The following LMX1A variants were observed in gnomAD, a reference collection of about 807,000 sequenced individuals.
LMX1A encodes LIM homeobox transcription factor 1-alpha.
A neutral mutation model predicts 49.1 loss-of-function variants in LMX1A; 15 were observed. The observed-to-expected ratio is 0.31, with a 90% CI of 0.20 to 0.47. LMX1A has a LOEUF of 0.47. Ranked by LOEUF, LMX1A falls within the 20% of genes least tolerant of loss-of-function variation. The pLI is 1.00. For synonymous variants in LMX1A, 167 were observed against 185.7 expected, an observed-to-expected ratio of 0.90 and a Z score of 0.82; for missense variants, 372 against 475.8, an observed-to-expected ratio of 0.78 and a Z score of 2.03.
intron 3 of LMX1A, among the ~76,000 whole-genome samples, chr1:165,312,639 G>A (rs1571216814): frequency 6.6e-6 from 1 of 152,310 alleles, no homozygotes; most frequent in Admixed American, 6.5e-5. Flanking sequence ...AGATGGAGAG[G>A]AAATAAGATC....
intron 3 of LMX1A, among the ~76,000 whole-genome samples, chr1:165,312,387 G>C (rs1655100929): frequency 6.6e-6 from 1 of 152,134 alleles, no homozygotes; most frequent in African/African-American, 2.4e-5. Context: ...AAACAGGTAT[G>C]CTTATCCAGA....
chr1:165,281,601 G>A (rs1321505873), intron 3 of LMX1A, among the ~76,000 whole-genome samples: 1 of 152,224 alleles, frequency 6.6e-6, no homozygotes, highest in Non-Finnish European at 1.5e-5. Flanking sequence ...ACCACAGGCA[G>A]AGAGGAAAGC....
At chr1:165,256,251 C>T (rs540381867) in intron 3 of LMX1A, among the ~76,000 whole-genome samples, 3 of 152,260 alleles carry the variant, frequency 2.0e-5, no homozygotes, top group Admixed American at 6.5e-5. Flanking sequence ...GGGGAAAGAA[C>T]ACGGGACTTG....
chr1:165,339,008 T>TTCCA lies in LMX1A; in HGVS notation c.263+14064_263+14067dup, dbSNP rs1655983715. ...ACACATCAGGCTGTTTGTGAGCATG[T>TTCCA]TCCACACCTCAGAGAGCTCAAGGTA... On this transcript the variant is annotated intron_variant, in intron 3 of 8. Coordinates refer to ENST00000342310, the MANE Select transcript of LMX1A (RefSeq NM_177398.4). Among the ~76,000 whole-genome samples the TTCCA allele has an allele frequency of 3.3e-5, 5 of 152,192 alleles. No homozygotes were observed. In the South Asian group the frequency reaches 1.0e-3, roughly 31 times the overall value.
chr1:165,279,588 T>C (rs559708981), intron 3 of LMX1A, among the ~76,000 whole-genome samples: 2 of 152,332 alleles, frequency 1.3e-5, no homozygotes, highest in East Asian at 3.9e-4. Flanking sequence ...TATGCCTCTG[T>C]TTCCCCTTCA....
chr1:165,301,821 C>T (rs560722161), intron 3 of LMX1A, among the ~76,000 whole-genome samples: 1 of 152,246 alleles, frequency 6.6e-6, no homozygotes, highest in East Asian at 1.9e-4. Context: ...AGTTATTTAT[C>T]CCTGGAAAGC....
At chr1:165,329,606 A>C (rs1408587141) in intron 3 of LMX1A, among the ~76,000 whole-genome samples, 3 of 151,798 alleles carry the variant, frequency 2.0e-5, no homozygotes, top group South Asian at 2.1e-4. Context: ...AAGTGCCCAC[A>C]TGCAACCCCC....
intron 3 of LMX1A, among the ~76,000 whole-genome samples, chr1:165,312,818 A>C (rs1447175470): frequency 6.6e-6 from 1 of 152,230 alleles, no homozygotes; most frequent in Admixed American, 6.5e-5. Context: ...ACCCTACTGC[A>C]GATTCATTAG....
chr1:165,318,019 G>A (rs929417786), intron 3 of LMX1A, among the ~76,000 whole-genome samples: 2 of 152,182 alleles, frequency 1.3e-5, no homozygotes, highest in East Asian at 1.9e-4. Flanking sequence ...AAATCATTTC[G>A]CTTCATGTTC....
chr1:165,309,398 G>T (rs1253023651), intron 3 of LMX1A, among the ~76,000 whole-genome samples: 1 of 152,204 alleles, frequency 6.6e-6, no homozygotes. Flanking sequence ...TCCTGGTGGG[G>T]GGCTGGAGGG....
chr1:165,308,140 C>T (rs992009850), intron 3 of LMX1A, among the ~76,000 whole-genome samples: 6 of 152,198 alleles, frequency 3.9e-5, no homozygotes, highest in Non-Finnish European at 5.9e-5. Flanking sequence ...TAGTCCAAGA[C>T]TGAAAGAGAT....
intron 4 of LMX1A, among the ~76,000 whole-genome samples, chr1:165,245,834 G>C (rs1210405121): frequency 6.6e-6 from 1 of 151,898 alleles, no homozygotes; most frequent in Non-Finnish European, 1.5e-5. Flanking sequence ...TCTTTGCGCG[G>C]TTCTGCTAGC....
intron 3 of LMX1A, among the ~76,000 whole-genome samples, chr1:165,320,836 A>T (rs1013521058): frequency 6.6e-6 from 1 of 152,220 alleles, no homozygotes; most frequent in Non-Finnish European, 1.5e-5. Context: ...CCATGTGATA[A>T]GTCAGATACA....
At chr1:165,294,310 C>T (rs551060929) in intron 3 of LMX1A, among the ~76,000 whole-genome samples, 16 of 152,364 alleles carry the variant, frequency 1.1e-4, no homozygotes, top group South Asian at 8.3e-4. Flanking sequence ...AGTGGTTGCA[C>T]TAACTCAACC....
At chr1:165,298,126 T>C (rs1406447091) in intron 3 of LMX1A, among the ~76,000 whole-genome samples, 1 of 152,236 alleles carries the variant, frequency 6.6e-6, no homozygotes, top group Non-Finnish European at 1.5e-5. Flanking sequence ...GGGCATCTCC[T>C]TGGGTGCAAG....
intron 4 of LMX1A, among the ~76,000 whole-genome samples, chr1:165,238,405 AAAAC>A (rs1382997256): frequency 2.0e-5 from 3 of 152,236 alleles, no homozygotes; most frequent in African/African-American, 7.2e-5. Context: ...TTATAAACAT[AAAAC>A]AAAAAATCAG....
At chr1:165,221,946 C>T (rs987084433) in intron 4 of LMX1A, among the ~76,000 whole-genome samples, 7 of 146,776 alleles carry the variant, frequency 4.8e-5, no homozygotes, top group Admixed American at 1.4e-4. Flanking sequence ...CACACACACG[C>T]ACACGCACAC....
At chr1:165,318,230 A>G (rs1483245264) in intron 3 of LMX1A, among the ~76,000 whole-genome samples, 1 of 152,204 alleles carries the variant, frequency 6.6e-6, no homozygotes, top group Non-Finnish European at 1.5e-5. Context: ...ATCATGAGGA[A>G]AGAGCAGTTT....
chr1:165,253,351 G>A (rs1292612108), intron 3 of LMX1A, among the ~76,000 whole-genome samples: 5 of 152,110 alleles, frequency 3.3e-5, no homozygotes, highest in Admixed American at 3.3e-4. Context: ...TAAATTGTGC[G>A]GGTTTATGAT....
Sources: allele counts gnomAD v4.1 joint callset (sites outside exome capture counted in the v4.1 genomes callset), GRCh38; gene constraint gnomAD v4.1.1; transcripts MANE v1.5; gene names NCBI Gene and HGNC (gene_info 2026-07-23, HGNC 2026-07-21).